GRIP1: variants seen among roughly 807,000 people sequenced by gnomAD.
The protein encoded by GRIP1 is glutamate receptor interacting protein 1.
GRIP1 carries 45 observed loss-of-function variants against 129.9 expected under a neutral mutation model. The ratio of observed to expected loss-of-function variants is 0.35; its 90% CI spans 0.27 to 0.44. GRIP1 has a LOEUF of 0.44. GRIP1 is among the 20% of genes least tolerant of loss of function. The pLI, the probability that GRIP1 is intolerant of heterozygous loss-of-function variation, is 1.00. For missense variants in GRIP1, 1,196 were observed against 1,396.8 expected, an observed-to-expected ratio of 0.86 and a Z score of 2.29; for synonymous variants, 530 against 520.8, an observed-to-expected ratio of 1.02 and a Z score of -0.24.
At chr12:66,577,778 T>G (rs564640112) in intron 2 of GRIP1, among the ~76,000 whole-genome samples, 1 of 152,196 alleles carries the variant, frequency 6.6e-6, no homozygotes, top group Non-Finnish European at 1.5e-5. Flanking sequence ...GGCAAGATTG[T>G]GTACCTACAA....
intron 13 of GRIP1, among the ~76,000 whole-genome samples, chr12:66,434,038 G>A (rs1283569824): frequency 6.6e-6 from 1 of 152,172 alleles, no homozygotes; most frequent in Non-Finnish European, 1.5e-5. Context: ...GTTTGGCCTT[G>A]AATTGCTCTT....
chr12:66,436,182 T>C (rs1324744991), intron 13 of GRIP1, among the ~76,000 whole-genome samples: 2 of 152,252 alleles, frequency 1.3e-5, no homozygotes, highest in African/African-American at 4.8e-5. Flanking sequence ...AAAGGTCTCC[T>C]TCTTTCCAAG....
intron 1 of GRIP1, among the ~76,000 whole-genome samples, chr12:66,600,884 A>T (rs2064246577): frequency 6.6e-6 from 1 of 152,230 alleles, no homozygotes; most frequent in Non-Finnish European, 1.5e-5. Context: ...CCAAGCAATC[A>T]TTAAGGGCAT....
At chr12:66,839,873 C>T (rs980311320) in intron 1 of GRIP1, among the ~76,000 whole-genome samples, 1 of 152,152 alleles carries the variant, frequency 6.6e-6, no homozygotes, top group Non-Finnish European at 1.5e-5. Flanking sequence ...CCATTCATTG[C>T]CCCTCTGTAC....
intron 1 of GRIP1, among the ~76,000 whole-genome samples, chr12:66,726,737 T>C (rs761261755): frequency 1.3e-5 from 2 of 152,314 alleles, no homozygotes; most frequent in Middle Eastern, 6.8e-3. Flanking sequence ...AGCAGGGTAT[T>C]TTTAGCACAG....
chr12:66,842,710 T>C (rs1472375296), intron 1 of GRIP1, among the ~76,000 whole-genome samples: 2 of 152,234 alleles, frequency 1.3e-5, no homozygotes, highest in South Asian at 4.1e-4. Context: ...AATAACATTT[T>C]GCATCAGTTT....
chr12:66,952,814 T>C (rs1178205217), intron 1 of GRIP1, among the ~76,000 whole-genome samples: 2 of 152,338 alleles, frequency 1.3e-5, no homozygotes, highest in Admixed American at 1.3e-4. Flanking sequence ...ATAAATTGCA[T>C]ACATGATCCA....
intron 13 of GRIP1, among the ~76,000 whole-genome samples, chr12:66,439,973 C>T (rs2058425654): frequency 6.6e-6 from 1 of 152,148 alleles, no homozygotes; most frequent in African/African-American, 2.4e-5. Context: ...CCAGACACTG[C>T]TTGAATATCC....
chr12:66,592,039 A>G (rs17181587), intron 2 of GRIP1, among the ~76,000 whole-genome samples: 34,796 of 152,140 alleles, frequency 0.23, 4,251 homozygotes, highest in Admixed American at 0.27. Context: ...AAGTCACACT[A>G]TATATCTTCT....
chr12:66,607,044 C>T (rs751840275), intron 1 of GRIP1, among the ~76,000 whole-genome samples: 16 of 151,972 alleles, frequency 1.1e-4, no homozygotes, highest in African/African-American at 2.4e-4. Flanking sequence ...TGTGTGCACG[C>T]GCACATGTGT....
At chr12:66,914,181 G>A (rs181567120) in intron 1 of GRIP1, among the ~76,000 whole-genome samples, 1 of 152,228 alleles carries the variant, frequency 6.6e-6, no homozygotes, top group East Asian at 1.9e-4. Context: ...GAAGGTAATT[G>A]TTTTTAATTT....
At chr12:66,525,549 C>T (rs2061200355) in intron 5 of GRIP1, among the ~76,000 whole-genome samples, 1 of 151,522 alleles carries the variant, frequency 6.6e-6, no homozygotes, top group Non-Finnish European at 1.5e-5. Flanking sequence ...TAAGAGCTAT[C>T]TATGACAAAC....
chr12:67,041,847 T>G (rs1203343454), intron 1 of GRIP1, among the ~76,000 whole-genome samples: 1 of 152,174 alleles, frequency 6.6e-6, no homozygotes, highest in East Asian at 1.9e-4. Flanking sequence ...GTAAGTTCCT[T>G]GATGGCATAT....
chr12:66,408,978 C>T (rs1461562723), intron 15 of GRIP1, among the ~76,000 whole-genome samples: 1 of 152,152 alleles, frequency 6.6e-6, no homozygotes, highest in Non-Finnish European at 1.5e-5. Context: ...TGTCTTGTGT[C>T]TTGGGTGCCA....
At chr12:67,068,186 T>C (rs2043663483) in intron 1 of GRIP1, among the ~76,000 whole-genome samples, 1 of 152,024 alleles carries the variant, frequency 6.6e-6, no homozygotes, top group Non-Finnish European at 1.5e-5. Flanking sequence ...CCAAACACCA[T>C]GAAATGACCT....
At chr12:67,057,872 C>T (rs989406727) in intron 1 of GRIP1, among the ~76,000 whole-genome samples, 5 of 152,150 alleles carry the variant, frequency 3.3e-5, no homozygotes, top group African/African-American at 7.2e-5. Flanking sequence ...TTTCATTTAA[C>T]GAAAATGTGC....
intron 1 of GRIP1, among the ~76,000 whole-genome samples, chr12:66,849,054 A>G (rs192117423): frequency 5.4e-4 from 82 of 152,266 alleles, no homozygotes; most frequent in Non-Finnish European, 2.4e-4. Flanking sequence ...TCATCCTCCT[A>G]AAGCACAGTT....
chr12:66,625,645 TA>T (rs2140001984), intron 1 of GRIP1, among the ~76,000 whole-genome samples: 1 of 152,278 alleles, frequency 6.6e-6, no homozygotes, highest in East Asian at 1.9e-4. Flanking sequence ...TAAGCAGTTT[TA>T]AAGTGTTAAG....
At chr12:66,352,463 T>A (rs1210548378) in intron 24 of GRIP1, among the ~76,000 whole-genome samples, 1 of 152,188 alleles carries the variant, frequency 6.6e-6, no homozygotes, top group East Asian at 1.9e-4. Flanking sequence ...TTGCGCACAG[T>A]GGCTCACACC....
Sources: allele counts gnomAD v4.1 joint callset (sites outside exome capture counted in the v4.1 genomes callset), GRCh38; gene constraint gnomAD v4.1.1; transcripts MANE v1.5; gene names NCBI Gene and HGNC (gene_info 2026-07-23, HGNC 2026-07-21).